The following UNC13C variants were observed in gnomAD, a reference collection of about 807,000 sequenced individuals.
UNC13C encodes protein unc-13 homolog C.
UNC13C carries 174 observed loss-of-function variants against 245.4 expected under a neutral mutation model. The observed-to-expected ratio is 0.71, with a 90% CI of 0.63 to 0.80. The LOEUF (loss-of-function observed/expected upper bound fraction) is 0.80. UNC13C is among the 30% of genes least tolerant of loss of function. UNC13C has a pLI of 0.00. For synonymous variants in UNC13C, 992 were observed against 895.1 expected, an observed-to-expected ratio of 1.11 and a Z score of -1.93; for missense variants, 2,829 against 2,602.9, an observed-to-expected ratio of 1.09 and a Z score of -1.89.
In UNC13C at chr15:54,141,745, T is replaced by G. The variant is rs2032032483; in HGVS notation, c.2984-1273T>G. Among the ~76,000 whole-genome samples the G allele has an allele frequency of 2.6e-5, 4 of 152,104 alleles. No homozygotes were observed. In the East Asian group the frequency reaches 7.7e-4, roughly 29 times the overall value. ...ATTTATTTTATATAGTATTTTAAAA[T>G]AATTATGGCCATAAATAAGATTTAT... On this transcript the variant is annotated intron_variant, in intron 2 of 32. Transcript: ENST00000260323.
the UNC13C span, among the ~76,000 whole-genome samples, chr15:53,865,655 G>A: frequency 6.6e-6 from 1 of 152,054 alleles, no homozygotes; most frequent in Non-Finnish European, 1.5e-5. Context: ...GACATGAGTA[G>A]GAGAGCAAAT....
At position 54,507,124 on chromosome 15, in the gene UNC13C, A is replaced by G. The variant is rs534419321; in HGVS notation, c.5309A>G (p.Asn1770Ser). The G allele has an allele frequency of 1.3e-5, 20 of 1,595,142 alleles. No homozygotes were observed. The African/African-American group carries it at 1.9e-4, about 15-fold the overall frequency. ...HLMRRFAKTINKVLLQYAAIV... is the reference protein window; with the variant it reads ...HLMRRFAKTISKVLLQYAAIV... ...CAATGTTTTCTTTCTTAGACTATCA[A>G]TAAAGTGCTGCTCCAGTATGCTGCA... Residue 1770 changes from asparagine (N) to serine (S), a missense_variant, in exon 23 of 33, where the codon AAT becomes AGT. By Grantham distance (46) the Asn-to-Ser change is conservative. Transcript: ENST00000260323.
chr15:54,415,110 T>G, intron 19 of UNC13C, 43 bp downstream of exon 19: 2 of 1,373,994 alleles, frequency 1.5e-6, no homozygotes, highest in Non-Finnish European at 2.0e-6. Context: ...ATGTTAGAGT[T>G]AAATGGTGAT....
rs57209912 is a variant in UNC13C, at chr15:54,086,737, C to CTTT, written c.2984-56265_2984-56263dup. ...GTACTATGTGTTGCTTATTTTCTTT[C>CTTT]TTTTTTTTTTTTTTTTTTGAGATGG... is the stretch of plus-strand genomic sequence containing the variant. On this transcript the variant is annotated intron_variant, in intron 2 of 32. Transcript: ENST00000260323. Among the ~76,000 whole-genome samples the CTTT allele has an allele frequency of 1.5e-4, 14 of 92,010 alleles. 1 individual carries two copies. The highest frequency in any genetic ancestry group is 4.9e-4 in the African/African-American group (13 of 26,670). 60.4% of individuals were successfully genotyped at this position (92,010 alleles called of 152,430 possible).
chr15:54,355,211 C>T (rs557477040), intron 17 of UNC13C, among the ~76,000 whole-genome samples: 5 of 152,216 alleles, frequency 3.3e-5, no homozygotes, highest in African/African-American at 7.2e-5. Flanking sequence ...TATTTTGTTA[C>T]GATCAGCAGA....
At chr15:53,865,438 A>G in the UNC13C span, among the ~76,000 whole-genome samples, 1 of 152,118 alleles carries the variant, frequency 6.6e-6, no homozygotes, top group African/African-American at 2.4e-5. Flanking sequence ...ATTGAGTCCG[A>G]CTTGACCTTT....
chr15:54,417,108 TTATG>T, intron 19 of UNC13C: 1 of 377,196 alleles, frequency 2.7e-6, no homozygotes, highest in South Asian at 1.9e-5. Flanking sequence ...GTTGATTTGA[TTATG>T]TATGTGTCTT....
chr15:54,499,466 C>A (rs1413705947), intron 20 of UNC13C, among the ~76,000 whole-genome samples: 1 of 151,958 alleles, frequency 6.6e-6, no homozygotes, highest in Non-Finnish European at 1.5e-5. Context: ...GTCCAGAGGC[C>A]AATTCACATG....
rs1451918113 is a variant in UNC13C at position 53,978,688 on chromosome 15, A to G, written c.-496A>G. Among the ~76,000 whole-genome samples, 2 of 152,202 alleles carry G rather than the reference A, an allele frequency of 1.3e-5. No individual in the cohort carries two copies. The highest frequency in any genetic ancestry group is 4.8e-5 in the African/African-American group (2 of 41,456). ...GCTTCGGAGGCTACCCGGGAGTGCG[A>G]TAGAATTGACAAGAAAAGAACAGAC... On this transcript the variant is annotated 5_prime_UTR_variant, in exon 1 of 33. Coordinates refer to ENST00000260323, the MANE Select transcript of UNC13C (RefSeq NM_001080534.3).
chr15:54,134,911 C>T (rs1316216096), intron 2 of UNC13C, among the ~76,000 whole-genome samples: 1 of 152,112 alleles, frequency 6.6e-6, no homozygotes, highest in Non-Finnish European at 1.5e-5. Context: ...TACTTAATGG[C>T]TGTACCAATT....
intron 4 of UNC13C, among the ~76,000 whole-genome samples, chr15:54,210,946 A>G (rs1277964809): frequency 6.6e-6 from 1 of 152,132 alleles, no homozygotes; most frequent in Non-Finnish European, 1.5e-5. Context: ...TGATCAGCAA[A>G]CAAATCTGTA....
At chr15:54,009,631 C>G (rs1454872045) in intron 1 of UNC13C, among the ~76,000 whole-genome samples, 1 of 151,582 alleles carries the variant, frequency 6.6e-6, no homozygotes, top group East Asian at 1.9e-4. Context: ...ACTGCAACCT[C>G]TGCCTCCCGG....
the UNC13C span, among the ~76,000 whole-genome samples, chr15:53,940,871 G>A: frequency 1.3e-5 from 2 of 152,128 alleles, no homozygotes; most frequent in African/African-American, 4.8e-5. Flanking sequence ...TCAATGTCAT[G>A]AAAATGGCCT....
At chr15:53,962,376 G>T in the UNC13C span, among the ~76,000 whole-genome samples, 2 of 151,874 alleles carry the variant, frequency 1.3e-5, no homozygotes, top group Non-Finnish European at 2.9e-5. Flanking sequence ...TCAAATACTG[G>T]TGATATTTGA....
At chr15:54,001,824 T>C (rs1265973648) in intron 1 of UNC13C, among the ~76,000 whole-genome samples, 2 of 152,140 alleles carry the variant, frequency 1.3e-5, no homozygotes, top group African/African-American at 2.4e-5. Flanking sequence ...CAATCTGACT[T>C]AAGTCTTTCC....
chr15:54,502,330 TATAG>T (rs748036707), intron 22 of UNC13C, among the ~76,000 whole-genome samples: 1 of 152,162 alleles, frequency 6.6e-6, no homozygotes, highest in Non-Finnish European at 1.5e-5. Context: ...AGGCCCAGAA[TATAG>T]ATAAAGAAGC....
intron 10 of UNC13C, among the ~76,000 whole-genome samples, chr15:54,283,993 G>A (rs2037073955): frequency 6.6e-6 from 1 of 152,044 alleles, no homozygotes; most frequent in African/African-American, 2.4e-5. Flanking sequence ...GAATATTATA[G>A]CTAGAATAAG....
chr15:54,078,990 T>C (rs1272339142), intron 2 of UNC13C, among the ~76,000 whole-genome samples: 1 of 152,136 alleles, frequency 6.6e-6, no homozygotes. Context: ...TTTTTGTATA[T>C]GGCGAGAGAT....
At chr15:54,532,845 T>C in intron 25 of UNC13C, 72 bp from the exon 26 acceptor site, 3 of 1,028,796 alleles carry the variant, frequency 2.9e-6, no homozygotes, top group Non-Finnish European at 4.2e-6. Context: ...ATCAAAATCC[T>C]CAGGGTGAAA....
Sources: allele counts gnomAD v4.1 joint callset (sites outside exome capture counted in the v4.1 genomes callset), GRCh38; gene constraint gnomAD v4.1.1; transcripts MANE v1.5; gene names NCBI Gene and HGNC (gene_info 2026-07-23, HGNC 2026-07-21).